XKR4: variants seen among roughly 807,000 people sequenced by gnomAD.
The protein encoded by XKR4 is XK related 4, also known as XK-related protein 4.
In XKR4, 12 loss-of-function variants were observed where a neutral mutation model predicts 53.9. The observed-to-expected ratio is 0.22, with a 90% CI of 0.14 to 0.36. The LOEUF (loss-of-function observed/expected upper bound fraction) is 0.36, where lower values mean the gene tolerates loss of function less well. XKR4 is among the 10% of genes least tolerant of loss of function. The probability of loss-of-function intolerance (pLI) is 1.00; values close to 1 mark genes in which losing one functional copy is unlikely to be tolerated. For missense variants in XKR4, 799 were observed against 859.5 expected, an observed-to-expected ratio of 0.93 and a Z score of 0.88; for synonymous variants, 354 against 362.4, an observed-to-expected ratio of 0.98 and a Z score of 0.26.
chr8:55,309,746 T>C (rs1819361903), intron 1 of XKR4, among the ~76,000 whole-genome samples: 1 of 152,206 alleles, frequency 6.6e-6, no homozygotes, highest in South Asian at 2.1e-4. Flanking sequence ...TCAACAATTA[T>C]CTCAGTACAA....
chr8:55,318,832 A>G (rs1803161870), intron 1 of XKR4, among the ~76,000 whole-genome samples: 1 of 152,204 alleles, frequency 6.6e-6, no homozygotes, highest in Admixed American at 6.5e-5. Flanking sequence ...GCAGGAAAAG[A>G]GTTGTTATAA....
chr8:55,314,531 C>A (rs1819436489), intron 1 of XKR4, among the ~76,000 whole-genome samples: 2 of 152,308 alleles, frequency 1.3e-5, no homozygotes, highest in Admixed American at 6.5e-5. Flanking sequence ...GCCAAATCTG[C>A]TTTGCTATAT....
At chr8:55,128,270 CTTT>C (rs1816501287) in intron 1 of XKR4, among the ~76,000 whole-genome samples, 1 of 152,196 alleles carries the variant, frequency 6.6e-6, no homozygotes, top group South Asian at 2.1e-4. Context: ...TGTTTCCTGA[CTTT>C]TTAATGATCG....
chr8:55,209,920 T>C (rs1266654382), intron 1 of XKR4, among the ~76,000 whole-genome samples: 1 of 152,078 alleles, frequency 6.6e-6, no homozygotes, highest in African/African-American at 2.4e-5. Flanking sequence ...GTCCAAGTAT[T>C]TGGGGCCCAA....
intron 1 of XKR4, among the ~76,000 whole-genome samples, chr8:55,311,752 T>C (rs1465489985): frequency 6.6e-6 from 1 of 151,190 alleles, no homozygotes; most frequent in East Asian, 1.9e-4. Context: ...AAATTCTTTT[T>C]ATTTCCTTTG....
chr8:55,220,576 G>C (rs918985899), intron 1 of XKR4, among the ~76,000 whole-genome samples: 2 of 152,168 alleles, frequency 1.3e-5, no homozygotes, highest in African/African-American at 4.8e-5. Flanking sequence ...GAGGAAGTGG[G>C]GCAGGTCCCA....
chr8:55,503,438 G>A (rs1319249784), intron 2 of XKR4, among the ~76,000 whole-genome samples: 1 of 151,758 alleles, frequency 6.6e-6, no homozygotes, highest in Non-Finnish European at 1.5e-5. Flanking sequence ...TCTTTTTCAA[G>A]CTATTATAAA....
chr8:55,419,158 G>A (rs1176911541), intron 2 of XKR4, among the ~76,000 whole-genome samples: 1 of 152,168 alleles, frequency 6.6e-6, no homozygotes, highest in Non-Finnish European at 1.5e-5. Context: ...GCTCAGGCAG[G>A]TGGATCACCT....
chr8:55,281,878 G>T (rs1818848501), intron 1 of XKR4, among the ~76,000 whole-genome samples: 1 of 151,910 alleles, frequency 6.6e-6, no homozygotes. Context: ...ATTCTGAATT[G>T]CTCTTTCTTG....
At position 55,537,906 on chromosome 8, in the gene XKR4, AAC is replaced by A. The variant is rs2129407466; in HGVS notation, c.*13681_*13682del. 6.6e-6 allele frequency: 1 copy of A among 152,274 alleles called. No homozygotes were observed. Among genetic ancestry groups the A allele is most frequent in the South Asian group, 2.1e-4 (1 of 4,820 alleles). 9.4% of individuals were successfully genotyped at this position (152,274 alleles called of 1,614,324 possible). Reference sequence around the variant, plus strand: ...CAAATCTTTTTACCTTCATGTTACCAACAGGATGTTTAGTTGAATCAGCAACA... The same window carrying A: ...CAAATCTTTTTACCTTCATGTTACCAAGGATGTTTAGTTGAATCAGCAACA... On this transcript the variant is annotated 3_prime_UTR_variant, in exon 3 of 3. Transcript: ENST00000327381.
intron 2 of XKR4, chr8:55,451,371 G>C (rs916653429): frequency 7.0e-6 from 5 of 713,470 alleles, no homozygotes; most frequent in Non-Finnish European, 1.2e-5. Context: ...TCCCCACGTG[G>C]GCTGAGGAGA....
At chr8:55,339,660 A>G (rs1005158073) in intron 1 of XKR4, among the ~76,000 whole-genome samples, 3 of 152,186 alleles carry the variant, frequency 2.0e-5, no homozygotes, top group African/African-American at 7.2e-5. Flanking sequence ...AAACAGGAGG[A>G]CGTAGGCAGT....
rs112575319 is a variant in XKR4 at position 55,205,326 on chromosome 8, G to A, written c.806+102032G>A. Among the ~76,000 whole-genome samples, 1,323 of 152,158 alleles carry A rather than the reference G, an allele frequency of 8.7e-3. 25 individuals carry two copies. The highest frequency in any genetic ancestry group is 0.028 in the African/African-American group (1,161 of 41,532). On this transcript the variant is annotated intron_variant, in intron 1 of 2. Transcript: ENST00000327381. ...GTTTTGTACTTAAACTATTTGACAT[G>A]TATTTGTTGTCATAAAATTAGACTC...
At chr8:55,466,476 G>C in intron 2 of XKR4, among the ~76,000 whole-genome samples, 1 of 151,906 alleles carries the variant, frequency 6.6e-6, no homozygotes, top group Non-Finnish European at 1.5e-5. Flanking sequence ...CTCACACCGG[G>C]GACTGTTATG....
intron 1 of XKR4, among the ~76,000 whole-genome samples, chr8:55,205,834 A>C (rs1298686620): frequency 6.6e-6 from 1 of 152,172 alleles, no homozygotes; most frequent in Middle Eastern, 3.2e-3. Context: ...ACTGACTTCA[A>C]GAATGAAGTC....
At chr8:55,296,742 G>A (rs1222832428) in intron 1 of XKR4, among the ~76,000 whole-genome samples, 1 of 152,072 alleles carries the variant, frequency 6.6e-6, no homozygotes, top group East Asian at 1.9e-4. Flanking sequence ...AGGACCAGAG[G>A]AGACCCTAAG....
chr8:55,474,549 T>C (rs72648078), intron 2 of XKR4, among the ~76,000 whole-genome samples: 50,075 of 151,976 alleles, frequency 0.33, 9,759 homozygotes, highest in African/African-American at 0.55. Context: ...TGAAATGTCA[T>C]CTAGTATTTT....
intron 1 of XKR4, among the ~76,000 whole-genome samples, chr8:55,350,102 C>T (rs1009828638): frequency 6.6e-6 from 1 of 152,178 alleles, no homozygotes; most frequent in Non-Finnish European, 1.5e-5. Flanking sequence ...TAACAATATA[C>T]AATGAATGGA....
At position 55,533,498 on chromosome 8, in the gene XKR4, G is replaced by C. The variant is rs1806984687; in HGVS notation, c.*9271G>C. ...AGCCTGGGGTGAAACATTTTCCACGGTCTGAATCGGAAGCTTGGGGCTCTG... is the reference window on the plus strand; with the variant it reads ...AGCCTGGGGTGAAACATTTTCCACGCTCTGAATCGGAAGCTTGGGGCTCTG... On this transcript the variant is annotated 3_prime_UTR_variant, in exon 3 of 3. Coordinates refer to ENST00000327381, the MANE Select transcript of XKR4 (RefSeq NM_052898.2). 1 of 152,156 alleles carries C rather than the reference G, an allele frequency of 6.6e-6. No homozygotes were observed. Among genetic ancestry groups the C allele is most frequent in the Admixed American group, 6.5e-5 (1 of 15,288 alleles). The allele number at this position is 152,156 out of a possible 1,614,324, so 9.4% of individuals were successfully genotyped here. A position where few individuals can be genotyped will look rare whatever the true frequency, so the allele number is the denominator to read the frequency against.
Sources: gnomAD v4.1 joint callset for allele counts (sites outside exome capture counted in the v4.1 genomes callset) on GRCh38, gnomAD v4.1.1 for gene constraint, MANE v1.5 for transcripts, NCBI Gene and HGNC (gene_info 2026-07-23, HGNC 2026-07-21) for gene names.